The following GALNT10 variants were observed in gnomAD, a reference collection of about 807,000 sequenced individuals.
The protein encoded by GALNT10 is GalNAc transferase 10.
In GALNT10, 41 loss-of-function variants were observed where a neutral mutation model predicts 75.0. That is an observed-to-expected ratio of 0.55 (90% CI 0.43 to 0.71). The LOEUF (loss-of-function observed/expected upper bound fraction) is 0.71. GALNT10 is among the 30% of genes least tolerant of loss of function. GALNT10 has a pLI of 0.00. For missense variants in GALNT10, 727 were observed against 818.5 expected (o/e 0.89, Z 1.36); for synonymous variants, 302 against 313.0 (o/e 0.96, Z 0.37).
At chr5:154,364,394 A>T (rs1171707542) in intron 4 of GALNT10, among the ~76,000 whole-genome samples, 1 of 152,218 alleles carries the variant, frequency 6.6e-6, no homozygotes, top group Non-Finnish European at 1.5e-5. Context: ...ATATCAGATT[A>T]GTCTCTGGTA....
intron 6 of GALNT10, among the ~76,000 whole-genome samples, chr5:154,384,539 C>T (rs1450909254): frequency 6.6e-6 from 1 of 152,212 alleles, no homozygotes; most frequent in African/African-American, 2.4e-5. Flanking sequence ...TCAGTTCATA[C>T]CAGTCACATT....
At chr5:154,276,978 A>G (rs930222604) in intron 1 of GALNT10, among the ~76,000 whole-genome samples, 10 of 152,176 alleles carry the variant, frequency 6.6e-5, no homozygotes, top group African/African-American at 2.4e-4. Context: ...AACGGAACTG[A>G]ATCCTCTCTA....
At chr5:154,288,359 A>G (rs1460712002) in intron 1 of GALNT10, among the ~76,000 whole-genome samples, 1 of 151,904 alleles carries the variant, frequency 6.6e-6, no homozygotes, top group Admixed American at 6.6e-5. Flanking sequence ...CTACCTCCAA[A>G]GGCTGCCAGG....
At chr5:154,309,284 G>T (rs960196001) in intron 3 of GALNT10, among the ~76,000 whole-genome samples, 6 of 152,120 alleles carry the variant, frequency 3.9e-5, no homozygotes, top group African/African-American at 1.4e-4. Context: ...GCCTGATGAT[G>T]TGAATGATGA....
chr5:154,369,203 C>T (rs139970015), intron 4 of GALNT10, among the ~76,000 whole-genome samples: 114 of 152,190 alleles, frequency 7.5e-4, no homozygotes, highest in Admixed American at 1.7e-3. Context: ...GCCTGGCCGA[C>T]GTGGCGAAAC....
At chr5:154,309,499 G>A (rs888602908) in intron 3 of GALNT10, among the ~76,000 whole-genome samples, 1 of 152,220 alleles carries the variant, frequency 6.6e-6, no homozygotes, top group African/African-American at 2.4e-5. Flanking sequence ...GACTAGTTAG[G>A]AGTATGTTAA....
chr5:154,254,646 T>A (rs1208788850), intron 1 of GALNT10, among the ~76,000 whole-genome samples: 1 of 152,076 alleles, frequency 6.6e-6, no homozygotes, highest in African/African-American at 2.4e-5. Context: ...AAGGCAAGCA[T>A]ACTTTTATGC....
intron 4 of GALNT10, among the ~76,000 whole-genome samples, chr5:154,338,934 C>T (rs376129247): frequency 1.1e-4 from 16 of 152,328 alleles, no homozygotes; most frequent in African/African-American, 3.6e-4. Context: ...TGCTGGCGGG[C>T]AGTGTCGGCC....
chr5:154,324,775 A>G (rs1240047916), intron 3 of GALNT10, among the ~76,000 whole-genome samples: 6 of 152,214 alleles, frequency 3.9e-5, no homozygotes, highest in Admixed American at 1.3e-4. Context: ...CACTTTCAGA[A>G]TCACTGTTTT....
intron 4 of GALNT10, among the ~76,000 whole-genome samples, chr5:154,361,343 C>G (rs2113155516): frequency 6.6e-6 from 1 of 152,338 alleles, no homozygotes; most frequent in African/African-American, 2.4e-5. Context: ...GATCCTCCAA[C>G]TCTCCAAACC....
chr5:154,309,079 A>T (rs766222228), intron 3 of GALNT10, among the ~76,000 whole-genome samples: 1 of 152,234 alleles, frequency 6.6e-6, no homozygotes, highest in African/African-American at 2.4e-5. Flanking sequence ...AGAAAAAATA[A>T]TAAGAATGGG....
chr5:154,223,586 C>T (rs1327436353), intron 1 of GALNT10, among the ~76,000 whole-genome samples: 1 of 152,198 alleles, frequency 6.6e-6, no homozygotes, highest in Non-Finnish European at 1.5e-5. Flanking sequence ...GAAGGATGTA[C>T]TTAACCTTGG....
chr5:154,335,321 A>G (rs1754927561), intron 4 of GALNT10, among the ~76,000 whole-genome samples: 1 of 152,210 alleles, frequency 6.6e-6, no homozygotes, highest in South Asian at 2.1e-4. Context: ...CAGTAGGCCT[A>G]GAGGAGGTAA....
intron 7 of GALNT10, among the ~76,000 whole-genome samples, chr5:154,403,533 G>A (rs1018750918): frequency 6.6e-6 from 1 of 152,218 alleles, no homozygotes; most frequent in African/African-American, 2.4e-5. Context: ...GACCCAGCGA[G>A]AGGCTCATAG....
At chr5:154,268,346 A>G (rs1753809495) in intron 1 of GALNT10, among the ~76,000 whole-genome samples, 3 of 152,160 alleles carry the variant, frequency 2.0e-5, no homozygotes, top group Admixed American at 6.5e-5. Flanking sequence ...AGTCCACCAT[A>G]AAAGGTTACA....
chr5:154,329,785 C>A lies in GALNT10; in HGVS notation c.568+47C>A, dbSNP rs375586744. On this transcript the variant is annotated intron_variant, in intron 4 of 11. Coordinates refer to ENST00000297107, the MANE Select transcript of GALNT10 (RefSeq NM_198321.4). ...CTCCCACCCTCTGTGCTTCATCTGG[C>A]GACTCACCAAAGGGATGGCAGGTTT... 8 of 1,425,652 alleles carry A rather than the reference C, an allele frequency of 5.6e-6. No homozygotes were observed. The East Asian group carries it at 1.4e-4, about 25-fold the overall frequency. The allele number at this position is 1,425,652 out of a possible 1,614,324, so 88.3% of individuals were successfully genotyped here.
intron 1 of GALNT10, among the ~76,000 whole-genome samples, chr5:154,271,185 G>T (rs72808629): frequency 0.034 from 5,094 of 149,348 alleles, 114 homozygotes; most frequent in Middle Eastern, 0.12. Flanking sequence ...TGCTGTAAGG[G>T]TTTAATAATA....
intron 3 of GALNT10, among the ~76,000 whole-genome samples, chr5:154,301,034 C>A (rs1246656764): frequency 2.0e-5 from 3 of 152,178 alleles, no homozygotes; most frequent in South Asian, 2.1e-4. Context: ...GGATGAGGAC[C>A]TAGCCCCTTT....
Position 154,293,611 on chromosome 5 carries a change from A to T in GALNT10, c.160-1205A>T, listed in dbSNP as rs539820627. Among the ~76,000 whole-genome samples the T allele has an allele frequency of 1.5e-3, 147 of 96,658 alleles. 2 individuals are homozygous for T. Among genetic ancestry groups the T allele is most frequent in the African/African-American group, 2.7e-3 (61 of 22,588 alleles). 63.4% of individuals were successfully genotyped at this position (96,658 alleles called of 152,430 possible). The stretch of plus-strand genomic sequence containing the variant: ...TTGGGGCTGATATATATATATATAT[A>T]TATTTTTTTTTTCCTTTCAGCCATT... On this transcript the variant is annotated intron_variant, in intron 1 of 11. Coordinates refer to ENST00000297107, the MANE Select transcript of GALNT10 (RefSeq NM_198321.4).
Sources: allele counts gnomAD v4.1 joint callset (sites outside exome capture counted in the v4.1 genomes callset), GRCh38; gene constraint gnomAD v4.1.1; transcripts MANE v1.5; gene names NCBI Gene and HGNC (gene_info 2026-07-23, HGNC 2026-07-21).